Variants in PLCL1 observed in about 807,000 individuals in gnomAD.
The protein encoded by PLCL1 is phospholipase C like 1 (inactive).
In PLCL1, 41 loss-of-function variants were observed where a neutral mutation model predicts 84.4. The observed-to-expected ratio is 0.49, with a 90% CI of 0.38 to 0.63. The LOEUF is 0.63. PLCL1 is among the 30% of genes least tolerant of loss of function. The probability of loss-of-function intolerance (pLI) is 0.00; values close to 1 mark genes in which losing one functional copy is unlikely to be tolerated. For synonymous variants in PLCL1, 490 were observed against 488.3 expected, an observed-to-expected ratio of 1.00 and a Z score of -0.05; for missense variants, 1,206 against 1,367.8, an observed-to-expected ratio of 0.88 and a Z score of 1.87.
chr2:197,897,098 CCTTCTTCTTCTTCTTCTTCTT>C lies in PLCL1; in HGVS notation c.240+91831_240+91851del, dbSNP rs1156287674. Among the ~76,000 whole-genome samples the C allele has an allele frequency of 1.1e-3, 124 of 117,858 alleles. 2 individuals are homozygous for C. The highest frequency in any genetic ancestry group is 1.3e-3 in the Non-Finnish European group (70 of 54,440). The allele number at this position is 117,858 out of a possible 152,430, so 77.3% of individuals were successfully genotyped here. On this transcript the variant is annotated intron_variant, in intron 1 of 5. Transcript: ENST00000428675. ...TACCTTTGGGGATAGAAGTATGACT[CCTTCTTCTTCTTCTTCTTCTT>C]CTTCTTCTTCTTCTTCTTCTTCTTC...
chr2:197,900,242 A>G (rs185410081), intron 1 of PLCL1, among the ~76,000 whole-genome samples: 2 of 152,362 alleles, frequency 1.3e-5, no homozygotes. Flanking sequence ...CACTAACTGA[A>G]TAAATACATG....
intron 1 of PLCL1, among the ~76,000 whole-genome samples, chr2:197,820,703 A>G (rs1483859135): frequency 6.6e-6 from 1 of 152,176 alleles, no homozygotes; most frequent in African/African-American, 2.4e-5. Context: ...TAGATATTAG[A>G]TATTTATTTA....
intron 5 of PLCL1, among the ~76,000 whole-genome samples, chr2:198,125,808 G>A (rs1693971313): frequency 6.6e-6 from 1 of 152,116 alleles, no homozygotes; most frequent in South Asian, 2.1e-4. Context: ...TCTGGCAGGT[G>A]TCAGCCTGGG....
intron 1 of PLCL1, among the ~76,000 whole-genome samples, chr2:197,960,514 T>C (rs566962028): frequency 2.0e-5 from 3 of 152,056 alleles, no homozygotes; most frequent in African/African-American, 7.2e-5. Context: ...TGGCTTAAAT[T>C]GACAAAGGAA....
intron 5 of PLCL1, among the ~76,000 whole-genome samples, chr2:198,119,054 A>C (rs908036926): frequency 6.6e-6 from 1 of 151,992 alleles, no homozygotes. Flanking sequence ...AGAGTATTAC[A>C]TACATCAGAT....
chr2:198,017,696 A>G (rs1191799095), intron 1 of PLCL1, among the ~76,000 whole-genome samples: 5 of 152,230 alleles, frequency 3.3e-5, no homozygotes, highest in Non-Finnish European at 7.3e-5. Flanking sequence ...ACACATAAGA[A>G]TGTTCTTAAT....
chr2:198,045,005 CT>C (rs1003492528), intron 1 of PLCL1, among the ~76,000 whole-genome samples: 1 of 152,148 alleles, frequency 6.6e-6, no homozygotes, highest in African/African-American at 2.4e-5. Flanking sequence ...CATCCAGTAA[CT>C]TTTTACTGAG....
intron 1 of PLCL1, among the ~76,000 whole-genome samples, chr2:197,834,167 A>C (rs111243979): frequency 6.6e-5 from 10 of 152,070 alleles, no homozygotes; most frequent in Non-Finnish European, 1.2e-4. Flanking sequence ...ATTTAACTCA[A>C]GATGGATTAA....
At chr2:197,924,522 T>A (rs901700076) in intron 1 of PLCL1, among the ~76,000 whole-genome samples, 1 of 152,148 alleles carries the variant, frequency 6.6e-6, no homozygotes, top group Non-Finnish European at 1.5e-5. Flanking sequence ...GTATTTTATG[T>A]GTATCACTCT....
At chr2:197,871,973 C>T (rs911521423) in intron 1 of PLCL1, among the ~76,000 whole-genome samples, 4 of 152,112 alleles carry the variant, frequency 2.6e-5, no homozygotes, top group African/African-American at 4.8e-5. Context: ...GGGGCAGGTA[C>T]TTAGCTCCTG....
intron 1 of PLCL1, among the ~76,000 whole-genome samples, chr2:198,018,864 A>C (rs1442677595): frequency 6.6e-6 from 1 of 152,208 alleles, no homozygotes; most frequent in East Asian, 1.9e-4. Flanking sequence ...ATCTCCCAGC[A>C]CAGTGCTCGA....
At chr2:197,878,799 G>T (rs1242342697) in intron 1 of PLCL1, among the ~76,000 whole-genome samples, 1 of 152,134 alleles carries the variant, frequency 6.6e-6, no homozygotes, top group Non-Finnish European at 1.5e-5. Flanking sequence ...GGTTGGGGGA[G>T]GGAGAGTCAA....
intron 1 of PLCL1, among the ~76,000 whole-genome samples, chr2:197,906,797 C>G (rs1032485180): frequency 6.6e-6 from 1 of 152,046 alleles, no homozygotes; most frequent in African/African-American, 2.4e-5. Context: ...AAGTTGTATT[C>G]CTGGGTATTT....
intron 1 of PLCL1, among the ~76,000 whole-genome samples, chr2:197,960,455 A>G (rs912116682): frequency 2.6e-5 from 4 of 152,130 alleles, no homozygotes; most frequent in Admixed American, 6.6e-5. Context: ...AATTACTTCA[A>G]CCAGGACAAA....
intron 5 of PLCL1, among the ~76,000 whole-genome samples, chr2:198,145,948 C>T (rs1176394138): frequency 2.0e-5 from 3 of 152,178 alleles, no homozygotes; most frequent in South Asian, 2.1e-4. Context: ...GCTACTTCTT[C>T]CTCTGTCTAT....
At chr2:198,015,757 C>A (rs1318867) in intron 1 of PLCL1, among the ~76,000 whole-genome samples, 71,635 of 151,698 alleles carry the variant, frequency 0.47, 17,265 homozygotes, top group Middle Eastern at 0.58. Flanking sequence ...GTGGTGGTAA[C>A]CTACTCCAAA....
At chr2:197,856,559 C>T (rs992313001) in intron 1 of PLCL1, among the ~76,000 whole-genome samples, 79 of 151,970 alleles carry the variant, frequency 5.2e-4, no homozygotes, top group African/African-American at 1.7e-3. Context: ...TATGCAGTTA[C>T]GAATTATATA....
At chr2:197,852,092 G>C (rs746485151) in intron 1 of PLCL1, among the ~76,000 whole-genome samples, 1 of 152,202 alleles carries the variant, frequency 6.6e-6, no homozygotes, top group Non-Finnish European at 1.5e-5. Context: ...GACAGCTTTG[G>C]CCATGTTTTT....
At chr2:197,866,420 G>A (rs1687545964) in intron 1 of PLCL1, among the ~76,000 whole-genome samples, 1 of 151,716 alleles carries the variant, frequency 6.6e-6, no homozygotes, top group African/African-American at 2.4e-5. Flanking sequence ...TATTCTAGTG[G>A]ATAAACAAGA....
Sources: gnomAD v4.1 joint callset for allele counts (sites outside exome capture counted in the v4.1 genomes callset) on GRCh38, gnomAD v4.1.1 for gene constraint, MANE v1.5 for transcripts, NCBI Gene and HGNC (gene_info 2026-07-23, HGNC 2026-07-21) for gene names.